ATF7IP: variants seen among roughly 807,000 people sequenced by gnomAD.
ATF7IP encodes activating transcription factor 7 interacting protein.
Under a neutral mutation model 106.4 loss-of-function variants are expected in ATF7IP, and 23 were observed. That is an observed-to-expected ratio of 0.22 (90% CI 0.16 to 0.31). ATF7IP has a LOEUF of 0.31. ATF7IP is among the 10% of genes least tolerant of loss of function. ATF7IP has a pLI of 1.00. For synonymous variants in ATF7IP, 542 were observed against 539.0 expected, an observed-to-expected ratio of 1.01 and a Z score of -0.08; for missense variants, 1,334 against 1,524.3, an observed-to-expected ratio of 0.88 and a Z score of 2.08.
Position 14,481,043 on chromosome 12 carries a change from G to A in ATF7IP, c.3138G>A (p.Gln1046=). ...TVNVTHRPVT[Q]VTTRLPVPRA... ...ATGTAACACATCGTCCAGTAACTCAGGTGACCACAAGACTCCCTGTACCAA... is the reference window on the plus strand; with the variant it reads ...ATGTAACACATCGTCCAGTAACTCAAGTGACCACAAGACTCCCTGTACCAA... Residue 1046 remains glutamine, a synonymous_variant, in exon 13 of 15, where the codon CAG becomes CAA. Coordinates refer to ENST00000261168, the MANE Select transcript of ATF7IP (RefSeq NM_018179.5). The A allele has an allele frequency of 6.2e-7, 1 of 1,613,954 alleles. No homozygotes were observed. Among genetic ancestry groups the A allele is most frequent in the East Asian group, 2.2e-5 (1 of 44,872 alleles).
chr12:14,399,382 G>A (rs1940055031), intron 1 of ATF7IP, among the ~76,000 whole-genome samples: 1 of 151,840 alleles, frequency 6.6e-6, no homozygotes, highest in South Asian at 2.1e-4. Flanking sequence ...CAAGTCTGAT[G>A]CCAGTTTAAT....
At chr12:14,469,165 G>A (rs941930569) in intron 10 of ATF7IP, among the ~76,000 whole-genome samples, 1 of 152,064 alleles carries the variant, frequency 6.6e-6, no homozygotes, top group Non-Finnish European at 1.5e-5. Context: ...GAGGTCAGGA[G>A]TTCGAGACCA....
rs537621482 is a variant in ATF7IP, at chr12:14,379,494, T to C, written c.-8+13667T>C. Among the ~76,000 whole-genome samples the C allele has an allele frequency of 2.0e-5, 3 of 152,314 alleles. No individual in the cohort carries two copies. The South Asian group carries it at 6.2e-4, about 32-fold the overall frequency. On this transcript the variant is annotated intron_variant, in intron 1 of 14. Coordinates refer to ENST00000261168, the MANE Select transcript of ATF7IP (RefSeq NM_018179.5). Reference sequence around the variant, plus strand: ...CACCTGTCTTCTAGGACCCTTGTTTTCCAAATGCTATGTCTTTTTATTGAT... The same window carrying C: ...CACCTGTCTTCTAGGACCCTTGTTTCCCAAATGCTATGTCTTTTTATTGAT...
At chr12:14,430,658 G>C (rs889224946) in intron 2 of ATF7IP, among the ~76,000 whole-genome samples, 41 of 152,050 alleles carry the variant, frequency 2.7e-4, no homozygotes, top group African/African-American at 9.9e-4. Flanking sequence ...TTTTCTAATG[G>C]ATATTGTCTT....
intron 13 of ATF7IP, among the ~76,000 whole-genome samples, chr12:14,491,966 A>G (rs1944840430): frequency 6.6e-6 from 1 of 152,196 alleles, no homozygotes; most frequent in African/African-American, 2.4e-5. Flanking sequence ...GGTGGCACTA[A>G]TCTCAGTACC....
At chr12:14,448,762 T>A (rs1372933231) in intron 6 of ATF7IP, among the ~76,000 whole-genome samples, 1 of 152,170 alleles carries the variant, frequency 6.6e-6, no homozygotes, top group Non-Finnish European at 1.5e-5. Context: ...CATTTCACAT[T>A]TATACCAGTA....
intron 5 of ATF7IP, among the ~76,000 whole-genome samples, chr12:14,439,247 C>T (rs930541012): frequency 6.6e-6 from 1 of 152,098 alleles, no homozygotes; most frequent in Non-Finnish European, 1.5e-5. Flanking sequence ...ATGAGCATAT[C>T]CCAAAGATGC....
Position 14,438,275 on chromosome 12 carries a change from C to T in ATF7IP, c.1929+8C>T, listed in dbSNP as rs1942508293. On this transcript the variant is annotated splice_region_variant and intron_variant, in intron 5 of 14. Transcript: ENST00000261168. ...GTTCTCACTGAACTACAGGTTTGTA[C>T]ATTGACTTGAGTTGTATACTCCATG... is the stretch of plus-strand genomic sequence containing the variant. 6.2e-7 allele frequency: 1 copy of T among 1,608,686 alleles called. No individual in the cohort carries two copies. Among genetic ancestry groups the T allele is most frequent in the Non-Finnish European group, 8.5e-7 (1 of 1,177,280 alleles).
intron 10 of ATF7IP, among the ~76,000 whole-genome samples, chr12:14,473,290 C>CTGTGTGTGTGTGTG (rs869266316): frequency 2.3e-5 from 3 of 129,940 alleles, no homozygotes; most frequent in East Asian, 2.3e-4. Context: ...CTCTCTCTCT[C>CTGTGTGTGTGTGTG]TGTGTGTGTG....
intron 1 of ATF7IP, among the ~76,000 whole-genome samples, chr12:14,376,528 T>C (rs1453684109): frequency 1.3e-5 from 2 of 152,240 alleles, no homozygotes; most frequent in Admixed American, 6.5e-5. Context: ...AGTTAACCTC[T>C]GTATGGATGT....
intron 1 of ATF7IP, among the ~76,000 whole-genome samples, chr12:14,389,358 A>G (rs1376352638): frequency 6.6e-6 from 1 of 152,248 alleles, no homozygotes; most frequent in East Asian, 1.9e-4. Context: ...AAGCCAATAT[A>G]GAATGTTGAC....
intron 1 of ATF7IP, among the ~76,000 whole-genome samples, chr12:14,370,103 A>C (rs886554205): frequency 6.6e-6 from 1 of 151,940 alleles, no homozygotes; most frequent in Non-Finnish European, 1.5e-5. Context: ...ATGCCCGGCT[A>C]ATTTTGTATT....
intron 1 of ATF7IP, among the ~76,000 whole-genome samples, chr12:14,404,589 A>G (rs907977078): frequency 6.6e-6 from 1 of 152,192 alleles, no homozygotes; most frequent in Non-Finnish European, 1.5e-5. Context: ...AAGATCTGTC[A>G]TACCCTGGTG....
intron 9 of ATF7IP, among the ~76,000 whole-genome samples, chr12:14,463,266 T>C (rs1030304740): frequency 6.6e-6 from 1 of 152,132 alleles, no homozygotes; most frequent in Non-Finnish European, 1.5e-5. Flanking sequence ...GTTCATGCAT[T>C]TGTATGTATT....
In ATF7IP at chr12:14,467,126, T is replaced by A. The variant is rs769663162; in HGVS notation, c.2862+536T>A. Among the ~76,000 whole-genome samples, 6 of 152,284 alleles carry A rather than the reference T, an allele frequency of 3.9e-5. No individual in the cohort carries two copies. The South Asian group carries it at 1.0e-3, about 26-fold the overall frequency. ...ACCACCCGGTAATAGAATAACTACT[T>A]CTTTCCTGTATTAACAGTGTTCTTC... is the stretch of plus-strand genomic sequence containing the variant. On this transcript the variant is annotated intron_variant, in intron 10 of 14. Coordinates refer to ENST00000261168, the MANE Select transcript of ATF7IP (RefSeq NM_018179.5).
chr12:14,456,376 G>T (rs535670502), intron 6 of ATF7IP, among the ~76,000 whole-genome samples, 185 bp from the exon 7 acceptor site: 1 of 152,252 alleles, frequency 6.6e-6, no homozygotes, highest in South Asian at 2.1e-4. Flanking sequence ...TAAATGATTT[G>T]CTTAAGATAC....
rs1195766788 is a variant in ATF7IP at position 14,478,302 on chromosome 12, A to T, written c.2942-15A>T. ...TTTTTCTTGTCAGTCATAATATTTCACTTTTAACTAACAGACCCCAAAAAA... is the reference window on the plus strand; with the variant it reads ...TTTTTCTTGTCAGTCATAATATTTCTCTTTTAACTAACAGACCCCAAAAAA... On this transcript the variant is annotated splice_polypyrimidine_tract_variant and intron_variant, in intron 11 of 14. Transcript: ENST00000261168. The T allele has an allele frequency of 3.7e-6, 6 of 1,611,464 alleles. No homozygotes were observed. The African/African-American group carries it at 8.0e-5, about 22-fold the overall frequency.
intron 9 of ATF7IP, among the ~76,000 whole-genome samples, chr12:14,461,806 C>T (rs1943649139): frequency 6.6e-6 from 1 of 152,126 alleles, no homozygotes; most frequent in African/African-American, 2.4e-5. Context: ...CTTGCTTATT[C>T]TTCATTTCTG....
chr12:14,464,313 G>T (rs1469826907), intron 9 of ATF7IP, among the ~76,000 whole-genome samples: 1 of 152,110 alleles, frequency 6.6e-6, no homozygotes, highest in Non-Finnish European at 1.5e-5. Context: ...CAACAGAGGA[G>T]GTCCCTGTCT....
Sources: allele counts gnomAD v4.1 joint callset (sites outside exome capture counted in the v4.1 genomes callset), GRCh38; gene constraint gnomAD v4.1.1; transcripts MANE v1.5; gene names NCBI Gene and HGNC (gene_info 2026-07-23, HGNC 2026-07-21).